H1-1: variants seen among roughly 807,000 people sequenced by gnomAD.
H1-1 encodes the protein H1.1 linker histone, cluster member.
In H1-1, 2 loss-of-function variants were observed where a neutral mutation model predicts 0.8. The ratio of observed to expected loss-of-function variants is 2.64; its 90% CI spans 1.08 to 8.30. The LOEUF is 8.30. Ranked by LOEUF, H1-1 falls within the 30% of genes most tolerant of loss-of-function variation. The pLI, the probability that H1-1 is intolerant of heterozygous loss-of-function variation, is 0.04. For missense variants in H1-1, 516 were observed against 262.6 expected (o/e 1.97, Z -6.67); for synonymous variants, 211 against 108.2 (o/e 1.95, Z -5.89).
chr6:26,017,344 G>T lies in H1-1; in HGVS notation c.389C>A (p.Thr130Asn). The T allele has an allele frequency of 6.2e-7, 1 of 1,614,050 alleles. No homozygotes were observed. Among genetic ancestry groups the T allele is most frequent in the Non-Finnish European group, 8.5e-7 (1 of 1,180,026 alleles). ...CTTTTTAGATGCACCCGTTGCCTTA[G>T]TTTTTGTAGCCACCTTTGAGGCGCC... ...KPGASKVATK[T>N]KATGASKKLK... The change falls in exon 1 of 1, where the codon ACT becomes AAT. Residue 130 changes from threonine (T) to asparagine (N), a missense_variant. Transcript: ENST00000244573.
Position 26,017,467 on chromosome 6 carries a change from C to T in H1-1, c.266G>A (p.Ser89Asn), listed in dbSNP as rs780077830. The T allele has an allele frequency of 4.3e-5, 70 of 1,613,786 alleles. No homozygotes were observed. The highest frequency in any genetic ancestry group is 5.0e-5 in the Non-Finnish European group (59 of 1,179,832). ...NNSRIKLGIK[S>N]LVSKGTLVQT... ...CACCAACGTTCCCTTGCTTACCAGG[C>T]TCTTAATGCCCAGCTTAATGCGGCT... Residue 89 changes from serine to asparagine, a missense_variant, in exon 1 of 1, where the codon AGC (serine) becomes AAC (asparagine). Ser to Asn is a conservative substitution (Grantham distance 46, BLOSUM62 1). Transcript: ENST00000244573.
rs141911147 is a variant in H1-1 at position 26,017,450 on chromosome 6, T to G, written c.283A>C (p.Thr95Pro). Residue 95 changes from threonine to proline, a missense_variant, in exon 1 of 1, where the codon ACG (threonine) becomes CCG (proline). Thr to Pro is a conservative substitution (Grantham distance 38, BLOSUM62 -1). Transcript: ENST00000244573. ...CCGGTACCCTTTGTCTGCACCAACGTTCCCTTGCTTACCAGGCTCTTAATG... is the reference window on the plus strand; with the variant it reads ...CCGGTACCCTTTGTCTGCACCAACGGTCCCTTGCTTACCAGGCTCTTAATG... The part of the protein sequence containing the change: ...LGIKSLVSKG[T>P]LVQTKGTGAS... 36 of 1,614,014 alleles carry G rather than the reference T, an allele frequency of 2.2e-5. No individual in the cohort carries two copies. Among genetic ancestry groups the G allele is most frequent in the Non-Finnish European group, 3.1e-5 (36 of 1,179,922 alleles).
rs1446841348 is a variant in H1-1 at position 26,017,348 on chromosome 6, TTG to T, written c.383_384del (p.Thr128LysfsTer3). 1.2e-6 allele frequency: 2 copies of T among 1,614,122 alleles called. No individual in the cohort carries two copies. Among genetic ancestry groups the T allele is most frequent in the Admixed American group, 1.7e-5 (1 of 60,020 alleles). Reference sequence around the variant, plus strand: ...TTAGATGCACCCGTTGCCTTAGTTTTTGTAGCCACCTTTGAGGCGCCGGGCTT... The same window carrying T: ...TTAGATGCACCCGTTGCCTTAGTTTTTAGCCACCTTTGAGGCGCCGGGCTT... ...ETKPGASKVA[T>X]KTKATGASKK... is the part of the protein sequence containing the mutation. On this transcript the variant is annotated frameshift_variant, in exon 1 of 1. Coordinates refer to ENST00000244573, the MANE Select transcript of H1-1 (RefSeq NM_005325.4). LOFTEE classifies it low-confidence loss of function (END_TRUNC).
chr6:26,017,056 G>A lies in H1-1; in HGVS notation c.*29C>T. On this transcript the variant is annotated 3_prime_UTR_variant, in exon 1 of 1. Coordinates refer to ENST00000244573, the MANE Select transcript of H1-1 (RefSeq NM_005325.4). ...GTAGGTGGCTCTTAAAAGAGCCGTT[G>A]GGTTACTAGAAGAAACTTCTAACTG... The A allele has an allele frequency of 1.3e-6, 2 of 1,554,712 alleles. No individual in the cohort carries two copies. Among genetic ancestry groups the A allele is most frequent in the Non-Finnish European group, 8.6e-7 (1 of 1,158,700 alleles).
chr6:26,017,309 C>T lies in H1-1; in HGVS notation c.424G>A (p.Ala142Thr), dbSNP rs746291026. ...ATGASKKLKK[A>T]TGASKKSVKT... ...ACGCTCTTTTTGCTAGCCCCCGTGG[C>T]CTTTTTGAGCTTTTTAGATGCACCC... The change falls in exon 1 of 1, where the codon GCC becomes ACC. Residue 142 changes from alanine to threonine, a missense_variant. Physicochemically the swap from Ala to Thr is moderately conservative, Grantham distance 58. Coordinates refer to ENST00000244573, the MANE Select transcript of H1-1 (RefSeq NM_005325.4). The T allele has an allele frequency of 8.1e-6, 13 of 1,613,976 alleles. No individual in the cohort carries two copies. The highest frequency in any genetic ancestry group is 1.1e-5 in the South Asian group (1 of 91,064).
rs769837277 is a variant in H1-1, at chr6:26,017,431, C to G, written c.302G>C (p.Gly101Ala). Residue 101 changes from glycine to alanine, a missense_variant, in exon 1 of 1, where the codon GGT (glycine) becomes GCT (alanine). Gly to Ala is a moderately conservative substitution (Grantham distance 60). Coordinates refer to ENST00000244573, the MANE Select transcript of H1-1 (RefSeq NM_005325.4). The part of the protein sequence containing the change: ...VSKGTLVQTK[G>A]TGASGSFKLN... ...CTTGAAGGAACCCGAGGCTCCGGTACCCTTTGTCTGCACCAACGTTCCCTT... is the reference window on the plus strand; with the variant it reads ...CTTGAAGGAACCCGAGGCTCCGGTAGCCTTTGTCTGCACCAACGTTCCCTT... The G allele has an allele frequency of 8.7e-6, 14 of 1,613,902 alleles. No individual in the cohort carries two copies. Among genetic ancestry groups the G allele is most frequent in the Non-Finnish European group, 1.2e-5 (14 of 1,179,978 alleles).
Position 26,017,393 on chromosome 6 carries a change from C to T in H1-1, c.340G>A (p.Ala114Thr). 2 of 1,614,126 alleles carry T rather than the reference C, an allele frequency of 1.2e-6. No individual in the cohort carries two copies. The highest frequency in any genetic ancestry group is 2.2e-5 in the South Asian group (2 of 91,082). The change falls in exon 1 of 1, where the codon GCG becomes ACG. Residue 114 changes from alanine to threonine, a missense_variant. Transcript: ENST00000244573. Reference sequence around the variant, plus strand: ...CCGGGCTTGGTTTCCACGGAGGACGCCTTCTTGTTGAGCTTGAAGGAACCC... The same window carrying T: ...CCGGGCTTGGTTTCCACGGAGGACGTCTTCTTGTTGAGCTTGAAGGAACCC... ...ASGSFKLNKK[A>T]SSVETKPGAS...
Position 26,017,705 on chromosome 6 carries a change from CG to C in H1-1, c.27del (p.Ala10ProfsTer10), listed in dbSNP as rs776702168. On this transcript the variant is annotated frameshift_variant, in exon 1 of 1. Coordinates refer to ENST00000244573, the MANE Select transcript of H1-1 (RefSeq NM_005325.4). LOFTEE classifies it low-confidence loss of function (END_TRUNC). Reference sequence around the variant, plus strand: ...GGTTTCTCAGGAGCAGCAGAAGCGGCGGGGGCGGGAGGCACTGTTTCAGACA... The same window carrying C: ...GGTTTCTCAGGAGCAGCAGAAGCGGCGGGGCGGGAGGCACTGTTTCAGACA... MSETVPPA[P>X]AASAAPEKPL... 7 of 1,613,190 alleles carry C rather than the reference CG, an allele frequency of 4.3e-6. No individual in the cohort carries two copies. In the African/African-American group the frequency reaches 5.3e-5, roughly 12 times the overall value.
At position 26,017,462 on chromosome 6, in the gene H1-1, C is replaced by T; in HGVS notation, c.271G>A (p.Val91Ile). The change falls in exon 1 of 1, where the codon GTA becomes ATA. Residue 91 changes from valine to isoleucine, a missense_variant. Val to Ile is a conservative substitution (Grantham distance 29). Coordinates refer to ENST00000244573, the MANE Select transcript of H1-1 (RefSeq NM_005325.4). ...GTCTGCACCAACGTTCCCTTGCTTACCAGGCTCTTAATGCCCAGCTTAATG... is the reference window on the plus strand; with the variant it reads ...GTCTGCACCAACGTTCCCTTGCTTATCAGGCTCTTAATGCCCAGCTTAATG... ...SRIKLGIKSLVSKGTLVQTKG... is the reference protein window; with the variant it reads ...SRIKLGIKSLISKGTLVQTKG... 2 of 1,613,898 alleles carry T rather than the reference C, an allele frequency of 1.2e-6. No individual in the cohort carries two copies. Among genetic ancestry groups the T allele is most frequent in the Non-Finnish European group, 1.7e-6 (2 of 1,179,828 alleles).
At position 26,017,777 on chromosome 6, in the gene H1-1, A is replaced by C. The variant is rs755878945; in HGVS notation, c.-45T>G. 2 of 1,555,330 alleles carry C rather than the reference A, an allele frequency of 1.3e-6. No homozygotes were observed. The highest frequency in any genetic ancestry group is 1.4e-5 in the African/African-American group (1 of 72,854). On this transcript the variant is annotated 5_prime_UTR_variant, in exon 1 of 1. Transcript: ENST00000244573. ...CAAATAAAGTGGTATAAACCTGACGAAGCAGGATGCGAAAAAAAGGCCCCA... is the reference window on the plus strand; with the variant it reads ...CAAATAAAGTGGTATAAACCTGACGCAGCAGGATGCGAAAAAAAGGCCCCA...
At position 26,017,565 on chromosome 6, in the gene H1-1, C is replaced by T. The variant is rs369599893; in HGVS notation, c.168G>A (p.Glu56=). The stretch of plus-strand genomic sequence containing the variant: ...GAGCTGCCAACGACACACCACCACG[C>T]TCCTTAGAGGAGGAAGCAGCCTGCA... The part of the protein sequence containing the change: ...LIVQAASSSK[E]RGGVSLAALK... Residue 56 remains glutamate (E), a synonymous_variant, in exon 1 of 1, where the codon GAG becomes GAA. Transcript: ENST00000244573. The T allele has an allele frequency of 1.1e-5, 18 of 1,614,090 alleles. No individual in the cohort carries two copies. Among genetic ancestry groups the T allele is most frequent in the Middle Eastern group, 1.6e-4 (1 of 6,084 alleles).
chr6:26,017,043 T>TA lies in H1-1; in HGVS notation c.*41dup, dbSNP rs761851685. The TA allele has an allele frequency of 3.9e-6, 6 of 1,540,768 alleles. No homozygotes were observed. In the African/African-American group the frequency reaches 5.6e-5, roughly 14 times the overall value. On this transcript the variant is annotated 3_prime_UTR_variant, in exon 1 of 1. Coordinates refer to ENST00000244573, the MANE Select transcript of H1-1 (RefSeq NM_005325.4). Reference sequence around the variant, plus strand: ...TTTCCTGAAATGCGTAGGTGGCTCTTAAAAGAGCCGTTGGGTTACTAGAAG... The same window carrying TA: ...TTTCCTGAAATGCGTAGGTGGCTCTTAAAAAGAGCCGTTGGGTTACTAGAAG...
rs189137001 is a variant in H1-1, at chr6:26,017,769, A to G, written c.-37T>C. Reference sequence around the variant, plus strand: ...CAGCACACCAAATAAAGTGGTATAAACCTGACGAAGCAGGATGCGAAAAAA... The same window carrying G: ...CAGCACACCAAATAAAGTGGTATAAGCCTGACGAAGCAGGATGCGAAAAAA... On this transcript the variant is annotated 5_prime_UTR_variant, in exon 1 of 1. Transcript: ENST00000244573. 1.9e-4 allele frequency: 298 copies of G among 1,573,534 alleles called. No homozygotes were observed. Among genetic ancestry groups the G allele is most frequent in the Non-Finnish European group, 2.2e-4 (253 of 1,156,832 alleles).
rs1761152281 is a variant in H1-1 at position 26,017,659 on chromosome 6, T to G, written c.74A>C (p.Lys25Thr). 6.2e-7 allele frequency: 1 copy of G among 1,614,158 alleles called. No homozygotes were observed. The highest frequency in any genetic ancestry group is 8.5e-7 in the Non-Finnish European group (1 of 1,180,040). Reference sequence around the variant, plus strand: ...GGCTGCTGCAGCCTTAGCAGGTTTCTTTGCCTTCTTGCCAGCTAAAGGTTT... The same window carrying G: ...GGCTGCTGCAGCCTTAGCAGGTTTCGTTGCCTTCTTGCCAGCTAAAGGTTT... Reference protein sequence around the residue: ...PEKPLAGKKAKKPAKAAAASK... With the variant: ...PEKPLAGKKATKPAKAAAASK... The change falls in exon 1 of 1, where the codon AAG (lysine) becomes ACG (threonine). Residue 25 changes from lysine to threonine, a missense_variant. Transcript: ENST00000244573.
In H1-1 at chr6:26,017,409, G is replaced by C. The variant is rs767729813; in HGVS notation, c.324C>G (p.Phe108Leu). Residue 108 changes from phenylalanine (F) to leucine (L), a missense_variant, in exon 1 of 1, where the codon TTC (phenylalanine) becomes TTG (leucine). Coordinates refer to ENST00000244573, the MANE Select transcript of H1-1 (RefSeq NM_005325.4). ...QTKGTGASGS[F>L]KLNKKASSVE... The stretch of plus-strand genomic sequence containing the variant: ...CGGAGGACGCCTTCTTGTTGAGCTT[G>C]AAGGAACCCGAGGCTCCGGTACCCT... The C allele has an allele frequency of 1.2e-6, 2 of 1,614,088 alleles. No individual in the cohort carries two copies. Among genetic ancestry groups the C allele is most frequent in the Non-Finnish European group, 8.5e-7 (1 of 1,180,018 alleles).
Position 26,017,442 on chromosome 6 carries a change from C to T in H1-1, c.291G>A (p.Val97=), listed in dbSNP as rs1285616229. 2 of 1,613,944 alleles carry T rather than the reference C, an allele frequency of 1.2e-6. No individual in the cohort carries two copies. The highest frequency in any genetic ancestry group is 3.3e-5 in the Admixed American group (2 of 60,010). ...IKSLVSKGTL[V]QTKGTGASGS... Reference sequence around the variant, plus strand: ...CCGAGGCTCCGGTACCCTTTGTCTGCACCAACGTTCCCTTGCTTACCAGGC... The same window carrying T: ...CCGAGGCTCCGGTACCCTTTGTCTGTACCAACGTTCCCTTGCTTACCAGGC... Residue 97 remains valine (V), a synonymous_variant, in exon 1 of 1, where the codon GTG becomes GTA. Coordinates refer to ENST00000244573, the MANE Select transcript of H1-1 (RefSeq NM_005325.4).
chr6:26,017,726 C>T lies in H1-1; in HGVS notation c.7G>A (p.Glu3Lys). Residue 3 changes from glutamate to lysine, a missense_variant, in exon 1 of 1, where the codon GAA becomes AAA. Coordinates refer to ENST00000244573, the MANE Select transcript of H1-1 (RefSeq NM_005325.4). MS[E>K]TVPPAPAASA... ...GCGGCGGGGGCGGGAGGCACTGTTT[C>T]AGACATGGTGACTAACACAGCACAC... is the stretch of plus-strand genomic sequence containing the variant. 3 of 1,612,664 alleles carry T rather than the reference C, an allele frequency of 1.9e-6. No individual in the cohort carries two copies. The highest frequency in any genetic ancestry group is 2.5e-6 in the Non-Finnish European group (3 of 1,179,502).
rs778207945 is a variant in H1-1, at chr6:26,017,640, T to C, written c.93A>G (p.Ala31=). ...GKKAKKPAKA[A]AASKKKPAGP... is the part of the protein sequence containing the mutation. ...CAGCGGGTTTTTTCTTGGAGGCTGC[T>C]GCAGCCTTAGCAGGTTTCTTTGCCT... The change falls in exon 1 of 1, where the codon GCA becomes GCG. Residue 31 remains alanine (A), a synonymous_variant. Transcript: ENST00000244573. 1 of 1,614,206 alleles carries C rather than the reference T, an allele frequency of 6.2e-7. No individual in the cohort carries two copies. The highest frequency in any genetic ancestry group is 1.3e-5 in the African/African-American group (1 of 75,064).
At position 26,017,345 on chromosome 6, in the gene H1-1, T is replaced by G. The variant is rs1761140535; in HGVS notation, c.388A>C (p.Thr130Pro). The G allele has an allele frequency of 2.5e-6, 4 of 1,614,022 alleles. No homozygotes were observed. Among genetic ancestry groups the G allele is most frequent in the Non-Finnish European group, 3.4e-6 (4 of 1,179,998 alleles). The change falls in exon 1 of 1, where the codon ACT becomes CCT. Residue 130 changes from threonine (T) to proline (P), a missense_variant. Thr to Pro is a conservative substitution (Grantham distance 38). Coordinates refer to ENST00000244573, the MANE Select transcript of H1-1 (RefSeq NM_005325.4). The part of the protein sequence containing the change: ...KPGASKVATK[T>P]KATGASKKLK... ...TTTTTAGATGCACCCGTTGCCTTAG[T>G]TTTTGTAGCCACCTTTGAGGCGCCG...
Sources: allele counts gnomAD v4.1 joint callset, GRCh38; gene constraint gnomAD v4.1.1; transcripts MANE v1.5; gene names NCBI Gene and HGNC (gene_info 2026-07-23, HGNC 2026-07-21).